DGKB: variants seen among roughly 807,000 people sequenced by gnomAD.
The protein encoded by DGKB is 90 kDa diacylglycerol kinase.
Under a neutral mutation model 114.3 loss-of-function variants are expected in DGKB, and 67 were observed. The observed-to-expected ratio is 0.59, with a 90% CI of 0.48 to 0.72. DGKB has a LOEUF of 0.72. DGKB is among the 30% of genes least tolerant of loss of function. The pLI, the probability that DGKB is intolerant of heterozygous loss-of-function variation, is 0.00. For synonymous variants in DGKB, 398 were observed against 323.1 expected, an observed-to-expected ratio of 1.23 and a Z score of -2.49; for missense variants, 907 against 975.2, an observed-to-expected ratio of 0.93 and a Z score of 0.93.
chr7:14,927,443 C>T (rs1784801075), intron 1 of DGKB, among the ~76,000 whole-genome samples: 1 of 151,934 alleles, frequency 6.6e-6, no homozygotes, highest in Non-Finnish European at 1.5e-5. Context: ...TAAAAAATAT[C>T]CATCCTGATC....
intron 20 of DGKB, among the ~76,000 whole-genome samples, chr7:14,567,870 G>T (rs1050392014): frequency 1.3e-4 from 19 of 151,934 alleles, no homozygotes; most frequent in Non-Finnish European, 2.1e-4. Context: ...GCCTCCCAAA[G>T]TGCTGGGATT....
At chr7:14,519,642 A>G (rs897676094) in intron 20 of DGKB, among the ~76,000 whole-genome samples, 8 of 152,148 alleles carry the variant, frequency 5.3e-5, no homozygotes, top group Admixed American at 1.3e-4. Context: ...CCAAACTGCT[A>G]AAGTAGTTGT....
chr7:14,469,446 G>C (rs1780951620), intron 21 of DGKB, among the ~76,000 whole-genome samples: 1 of 152,020 alleles, frequency 6.6e-6, no homozygotes, highest in African/African-American at 2.4e-5. Context: ...TGGTGTGAAA[G>C]AAGAAAGAGA....
At chr7:14,763,214 G>T (rs916652496) in intron 2 of DGKB, among the ~76,000 whole-genome samples, 5 of 151,978 alleles carry the variant, frequency 3.3e-5, no homozygotes, top group Middle Eastern at 6.8e-3. Context: ...ATAATGTATG[G>T]CATGGTTTAT....
intron 20 of DGKB, among the ~76,000 whole-genome samples, chr7:14,509,779 G>A (rs958760560): frequency 1.1e-4 from 16 of 152,148 alleles, no homozygotes; most frequent in South Asian, 2.1e-4. Flanking sequence ...CTTTGTCTCC[G>A]CCAGACTCGG....
chr7:14,296,164 T>C (rs1019408386), intron 23 of DGKB, among the ~76,000 whole-genome samples: 20 of 151,996 alleles, frequency 1.3e-4, no homozygotes, highest in Non-Finnish European at 2.9e-5. Flanking sequence ...CCTGAGTAGC[T>C]GGGACTACAG....
chr7:14,437,768 C>T (rs931894200), intron 21 of DGKB, among the ~76,000 whole-genome samples: 3 of 148,810 alleles, frequency 2.0e-5, no homozygotes, highest in East Asian at 2.0e-4. Flanking sequence ...CTATAACCCC[C>T]GAAGTTCTCC....
chr7:14,392,015 C>T (rs1035449890), intron 21 of DGKB, among the ~76,000 whole-genome samples: 4 of 152,080 alleles, frequency 2.6e-5, no homozygotes, highest in Admixed American at 6.6e-5. Flanking sequence ...TACATAAGAA[C>T]TATAACTCTT....
At chr7:14,973,730 C>A (rs910976691) in intron 1 of DGKB, among the ~76,000 whole-genome samples, 1 of 148,892 alleles carries the variant, frequency 6.7e-6, no homozygotes, top group Non-Finnish European at 1.5e-5. Flanking sequence ...GAGATTACAG[C>A]CCATATTATA....
rs776720127 is a variant in DGKB, at chr7:14,699,902, C to CA, written c.517-1734dup. On this transcript the variant is annotated intron_variant, in intron 7 of 25. Coordinates refer to ENST00000402815, the MANE Select transcript of DGKB (RefSeq NM_001350709.2). Reference sequence around the variant, plus strand: ...TATGCTAACAAAAAATGGGCAGAGACAAAAAAAAAAAGGACTATTTGACTG... The same window carrying CA: ...TATGCTAACAAAAAATGGGCAGAGACAAAAAAAAAAAAGGACTATTTGACTG... 5.2e-3 allele frequency among the ~76,000 whole-genome samples: 676 copies of CA among 130,574 alleles called. 3 individuals carry two copies. The highest frequency in any genetic ancestry group is 0.017 in the African/African-American group (597 of 35,462). The allele number at this position is 130,574 out of a possible 152,430, so 85.7% of individuals were successfully genotyped here. A position where few individuals can be genotyped will look rare whatever the true frequency, so the allele number is the denominator to read the frequency against.
chr7:14,558,859 C>G (rs577733565), intron 20 of DGKB, among the ~76,000 whole-genome samples: 1 of 152,190 alleles, frequency 6.6e-6, no homozygotes, highest in Non-Finnish European at 1.5e-5. Flanking sequence ...ACTCAACCCA[C>G]TTGGGGAGAA....
intron 21 of DGKB, among the ~76,000 whole-genome samples, chr7:14,385,879 A>G (rs545432200): frequency 5.9e-5 from 9 of 152,366 alleles, no homozygotes; most frequent in African/African-American, 1.9e-4. Flanking sequence ...GTGATGTGAT[A>G]TGAAAACATC....
At chr7:14,530,014 T>C (rs896681381) in intron 20 of DGKB, among the ~76,000 whole-genome samples, 22 of 151,634 alleles carry the variant, frequency 1.5e-4, no homozygotes, top group African/African-American at 5.1e-4. Flanking sequence ...TGGACTGGAG[T>C]AGATTTATTT....
intron 15 of DGKB, among the ~76,000 whole-genome samples, chr7:14,614,714 G>A (rs1806204654): frequency 6.6e-6 from 1 of 152,024 alleles, no homozygotes; most frequent in African/African-American, 2.4e-5. Context: ...TACCGAAGTG[G>A]GAAGATTGAC....
At chr7:14,941,070 A>C (rs1355601610) in intron 1 of DGKB, among the ~76,000 whole-genome samples, 1 of 152,060 alleles carries the variant, frequency 6.6e-6, no homozygotes, top group Non-Finnish European at 1.5e-5. Context: ...TAAATACTAG[A>C]TGTGAGGAAG....
In DGKB at chr7:14,345,382, G is replaced by A. The variant is rs780770859; in HGVS notation, c.1845C>T (p.Asn615=). The A allele has an allele frequency of 1.3e-6, 2 of 1,534,296 alleles. No homozygotes were observed. The highest frequency in any genetic ancestry group is 8.8e-7 in the Non-Finnish European group (1 of 1,136,168). The change falls in exon 22 of 26, where the codon AAC becomes AAT. Residue 615 remains asparagine, a synonymous_variant. Coordinates refer to ENST00000402815, the MANE Select transcript of DGKB (RefSeq NM_001350709.2). The part of the protein sequence containing the change: ...HPEKFNSRMK[N]KFWYFEFGTS... ...TGCCAAACTCAAAATACCAAAATTT[G>A]TTCTTCATTCTGAAAAAGAAAAGGA...
At chr7:14,604,907 G>A (rs550214619) in intron 17 of DGKB, among the ~76,000 whole-genome samples, 13 of 152,252 alleles carry the variant, frequency 8.5e-5, no homozygotes, top group Non-Finnish European at 1.6e-4. Context: ...GGGATGCAGT[G>A]TGGGCATCAG....
chr7:14,540,538 T>C (rs1584685123), intron 20 of DGKB, among the ~76,000 whole-genome samples: 1 of 152,310 alleles, frequency 6.6e-6, no homozygotes, highest in African/African-American at 2.4e-5. Context: ...ATCATACTTT[T>C]CTGTTTTGAC....
intron 5 of DGKB, among the ~76,000 whole-genome samples, chr7:14,732,042 A>G (rs1830999204): frequency 6.6e-6 from 1 of 152,192 alleles, no homozygotes; most frequent in Non-Finnish European, 1.5e-5. Context: ...TACATATTAC[A>G]GTCAAACAAA....
Sources: gnomAD v4.1 joint callset for allele counts (sites outside exome capture counted in the v4.1 genomes callset) on GRCh38, gnomAD v4.1.1 for gene constraint, MANE v1.5 for transcripts, NCBI Gene and HGNC (gene_info 2026-07-23, HGNC 2026-07-21) for gene names.